The following IFT140 variants were observed in gnomAD, a reference collection of about 807,000 sequenced individuals.
IFT140 encodes the protein intraflagellar transport 140.
A neutral mutation model predicts 164.6 loss-of-function variants in IFT140; 133 were observed. The observed-to-expected ratio is 0.81, with a 90% confidence interval of 0.70 to 0.93. The LOEUF is 0.93. Ranked by LOEUF, IFT140 falls within the 40% of genes least tolerant of loss-of-function variation. IFT140 has a pLI of 0.00. For missense variants in IFT140, 2,045 were observed against 1,972.3 expected (o/e 1.04, Z -0.70); for synonymous variants, 860 against 817.3 (o/e 1.05, Z -0.89).
rs750063648 is a variant in IFT140, at chr16:1,592,593, A to G, written c.370-5T>C. ...CCACAAGAGCAAGACACCAAGCTGGAAAGACCCAACACCACGTGTTAGGAC... is the reference window on the plus strand; with the variant it reads ...CCACAAGAGCAAGACACCAAGCTGGGAAGACCCAACACCACGTGTTAGGAC... On this transcript the variant is annotated splice_region_variant and splice_polypyrimidine_tract_variant and intron_variant, in intron 4 of 30. Coordinates refer to ENST00000426508, the MANE Select transcript of IFT140 (RefSeq NM_014714.4). 7 of 1,613,806 alleles carry G rather than the reference A, an allele frequency of 4.3e-6. No homozygotes were observed. The East Asian group carries it at 1.6e-4, about 36-fold the overall frequency.
rs1171890449 is a variant in IFT140, at chr16:1,566,281, C to G, written c.1781G>C (p.Ser594Thr). Residue 594 changes from serine to threonine, a missense_variant, in exon 16 of 31, where the codon AGC becomes ACC. Transcript: ENST00000426508. Reference protein sequence around the residue: ...ISILPSKADNSPDSKICFYDV... With the variant: ...ISILPSKADNTPDSKICFYDV... ...GTAGAAGCAGATTTTGGAATCAGGG[C>G]TGTTGTCAGCCTAGGAGAAGAGAAA... The G allele has an allele frequency of 6.2e-7, 1 of 1,613,408 alleles. No individual in the cohort carries two copies. The highest frequency in any genetic ancestry group is 1.7e-5 in the Admixed American group (1 of 60,006).
rs199532257 is a variant in IFT140 at position 1,602,449 on chromosome 16, G to A, written c.290C>T (p.Thr97Met). ...GTCGGCTGTGTGTGTCAGGGGCATC[G>A]TGTGCTGCTCCTTGTCCTGCTTGTT... The part of the protein sequence containing the change: ...VFNKQDKEQH[T>M]MPLTHTADIT... Residue 97 changes from threonine (T) to methionine (M), a missense_variant, in exon 4 of 31, where the codon ACG becomes ATG. Thr to Met is a moderately conservative substitution (Grantham distance 81). Transcript: ENST00000426508. The A allele has an allele frequency of 9.3e-6, 15 of 1,614,204 alleles. No individual in the cohort carries two copies. The highest frequency in any genetic ancestry group is 8.0e-5 in the African/African-American group (6 of 75,054).
chr16:1,565,595 C>T lies in IFT140; in HGVS notation c.1901+566G>A, dbSNP rs1446299328. ...GAGCATATGCAGGCCCCAGGGTGCC[C>T]GTCCTGCTTTCCTGCCCTGCAGGCC... On this transcript the variant is annotated intron_variant, in intron 16 of 30. Coordinates refer to ENST00000426508, the MANE Select transcript of IFT140 (RefSeq NM_014714.4). Among the ~76,000 whole-genome samples, 16 of 152,212 alleles carry T rather than the reference C, an allele frequency of 1.1e-4. 1 individual carries two copies. The highest frequency in any genetic ancestry group is 1.9e-4 in the East Asian group (1 of 5,194).
chr16:1,534,065 A>G (rs2030794030), intron 19 of IFT140: 2 of 593,638 alleles, frequency 3.4e-6, no homozygotes, highest in Non-Finnish European at 5.6e-6. Context: ...GCTTCAGCAC[A>G]GGCCTGGCCC....
chr16:1,530,151 T>G (rs1374167234), intron 19 of IFT140, among the ~76,000 whole-genome samples: 5 of 143,572 alleles, frequency 3.5e-5, no homozygotes, highest in Non-Finnish European at 7.6e-5. Context: ...TTTTTTTTTT[T>G]TTTTTTGAGA....
At chr16:1,517,367 AGT>A (rs756507592) in intron 30 of IFT140, among the ~76,000 whole-genome samples, 11 of 112,066 alleles carry the variant, frequency 9.8e-5, no homozygotes, top group African/African-American at 4.1e-4. Context: ...AAAAAAAAAA[AGT>A]ACAATAATAA....
chr16:1,592,680 G>C, intron 4 of IFT140, 92 bp from the exon 5 acceptor site: 1 of 1,518,720 alleles, frequency 6.6e-7, no homozygotes, highest in Admixed American at 1.9e-5. Flanking sequence ...CTGGTGGTGG[G>C]ACAGGTGTCC....
chr16:1,563,163 CGCCTCGG>C (rs2033512073), intron 17 of IFT140, among the ~76,000 whole-genome samples: 1 of 152,038 alleles, frequency 6.6e-6, no homozygotes, highest in Non-Finnish European at 1.5e-5. Context: ...CTTGAAGTGG[CGCCTCGG>C]GCAGTGTCTT....
Position 1,554,989 on chromosome 16 carries a change from G to A in IFT140, c.2399+2946C>T, listed in dbSNP as rs1296022250. ...CGCTCCCTGACAGCGCGCTTTCGCC[G>A]TGGGCTGGACAATGACTACGTGGAG... is the stretch of plus-strand genomic sequence containing the variant. On this transcript the variant is annotated intron_variant, in intron 19 of 30. Coordinates refer to ENST00000426508, the MANE Select transcript of IFT140 (RefSeq NM_014714.4). The A allele has an allele frequency of 5.0e-6, 8 of 1,613,280 alleles. No individual in the cohort carries two copies. The highest frequency in any genetic ancestry group is 4.0e-5 in the African/African-American group (3 of 74,952).
chr16:1,543,539 C>G (rs2031857468), intron 19 of IFT140, among the ~76,000 whole-genome samples: 1 of 152,248 alleles, frequency 6.6e-6, no homozygotes, highest in African/African-American at 2.4e-5. Context: ...GGAGCTGTGT[C>G]TTGGCTCCAT....
intron 19 of IFT140, among the ~76,000 whole-genome samples, chr16:1,536,137 C>T (rs1012069893): frequency 1.3e-5 from 2 of 152,248 alleles, no homozygotes; most frequent in South Asian, 2.1e-4. Flanking sequence ...CGCAGCTCTG[C>T]ACCTCCAGGC....
At chr16:1,525,665 C>T (rs1006188342) in intron 21 of IFT140, among the ~76,000 whole-genome samples, 2 of 152,230 alleles carry the variant, frequency 1.3e-5, no homozygotes, top group Non-Finnish European at 2.9e-5. Context: ...GGACAGACAT[C>T]TTTCTGTCTC....
At chr16:1,606,325 AT>A (rs1362731671) in intron 3 of IFT140, among the ~76,000 whole-genome samples, 1 of 152,252 alleles carries the variant, frequency 6.6e-6, no homozygotes, top group Non-Finnish European at 1.5e-5. Flanking sequence ...TAGTGGCTTA[AT>A]GCTGATAAGC....
At chr16:1,609,277 A>T (rs958307440) in intron 2 of IFT140, among the ~76,000 whole-genome samples, 8 of 152,354 alleles carry the variant, frequency 5.3e-5, no homozygotes, top group Middle Eastern at 3.4e-3. Context: ...GTGATACATT[A>T]ATACGACACT....
chr16:1,534,634 G>C (rs2030878604), intron 19 of IFT140: 4 of 1,585,714 alleles, frequency 2.5e-6, no homozygotes, highest in Non-Finnish European at 3.4e-6. Flanking sequence ...CGCGGACCTG[G>C]TGAGCGGGTG....
chr16:1,600,460 A>AT (rs60549406), intron 4 of IFT140, among the ~76,000 whole-genome samples: 5 of 96,672 alleles, frequency 5.2e-5, no homozygotes, highest in South Asian at 4.3e-4. Flanking sequence ...AAAAAAATAA[A>AT]TTTAAAAAAA....
In IFT140 at chr16:1,541,532, G is replaced by A. The variant is rs2031634226; in HGVS notation, c.2400-14736C>T. The stretch of plus-strand genomic sequence containing the variant: ...TCGTCTTGGATGCTGTGAATTCAGT[G>A]ACAGGGAAGCCGGTGTTGCTGGTGG... On this transcript the variant is annotated intron_variant, in intron 19 of 30. Coordinates refer to ENST00000426508, the MANE Select transcript of IFT140 (RefSeq NM_014714.4). 9 of 983,652 alleles carry A rather than the reference G, an allele frequency of 9.1e-6. No individual in the cohort carries two copies. The South Asian group carries it at 3.3e-4, about 36-fold the overall frequency. The allele number at this position is 983,652 out of a possible 1,614,324, so 60.9% of individuals were successfully genotyped here.
intron 3 of IFT140, among the ~76,000 whole-genome samples, chr16:1,603,631 C>T (rs556155459): frequency 5.9e-5 from 9 of 152,210 alleles, no homozygotes; most frequent in East Asian, 1.9e-4. Context: ...ACTACAGGCG[C>T]GCCACCAAGC....
At chr16:1,558,265 C>G (rs912155115) in intron 18 of IFT140, 131 bp from the exon 19 acceptor site, 12 of 864,354 alleles carry the variant, frequency 1.4e-5, no homozygotes, top group Non-Finnish European at 2.0e-5. Flanking sequence ...TATTTACCAA[C>G]AGGCCCAGTC....
Sources: allele counts gnomAD v4.1 joint callset (sites outside exome capture counted in the v4.1 genomes callset), GRCh38; gene constraint gnomAD v4.1.1; transcripts MANE v1.5; gene names NCBI Gene and HGNC (gene_info 2026-07-23, HGNC 2026-07-21).